ANO3: variants seen among roughly 807,000 people sequenced by gnomAD.
The protein encoded by ANO3 is anoctamin 3.
Under a neutral mutation model 144.8 loss-of-function variants are expected in ANO3, and 99 were observed. The ratio of observed to expected loss-of-function variants is 0.68; its 90% CI spans 0.58 to 0.81. The LOEUF (loss-of-function observed/expected upper bound fraction) is 0.81, where lower values mean the gene tolerates loss of function less well. Among genes scored for constraint, ANO3 ranks in the 30% least tolerant of loss-of-function variants. The probability of loss-of-function intolerance (pLI) is 0.00; values close to 1 mark genes in which losing one functional copy is unlikely to be tolerated. For missense variants in ANO3, 905 were observed against 1,202.2 expected, an observed-to-expected ratio of 0.75 and a Z score of 3.66; for synonymous variants, 414 against 392.6, an observed-to-expected ratio of 1.05 and a Z score of -0.64.
At chr11:26,301,853 G>A (rs1221039448) in intron 1 of ANO3, among the ~76,000 whole-genome samples, 3 of 152,176 alleles carry the variant, frequency 2.0e-5, no homozygotes, top group African/African-American at 4.8e-5. Flanking sequence ...AAGACAAGGA[G>A]GCTCAAAGTG....
chr11:26,216,794 G>A (rs1362599850), intron 1 of ANO3, among the ~76,000 whole-genome samples: 1 of 151,956 alleles, frequency 6.6e-6, no homozygotes, highest in African/African-American at 2.4e-5. Context: ...TTTCATTGTT[G>A]GGTAACTTAT....
rs117636302 is a variant in ANO3 at position 26,236,049 on chromosome 11, T to C, written c.154+46719T>C. On this transcript the variant is annotated intron_variant, in intron 1 of 27. Coordinates refer to the ANO3 transcript ENST00000672621. Reference sequence around the variant, plus strand: ...TTTGATATAGATAGCAAACCCTAGATTATTTTCTACATACCAGTATACTGA... The same window carrying C: ...TTTGATATAGATAGCAAACCCTAGACTATTTTCTACATACCAGTATACTGA... Among the ~76,000 whole-genome samples the C allele has an allele frequency of 6.0e-3, 917 of 152,278 alleles. 9 individuals are homozygous for C. Among genetic ancestry groups the C allele is most frequent in the Non-Finnish European group, 8.8e-3 (601 of 68,012 alleles).
chr11:26,233,140 C>A (rs1852439011), intron 1 of ANO3, among the ~76,000 whole-genome samples: 1 of 151,192 alleles, frequency 6.6e-6, no homozygotes, highest in African/African-American at 2.4e-5. Context: ...TGGCGTGAAC[C>A]CAGGAGGCAG....
intron 1 of ANO3, among the ~76,000 whole-genome samples, chr11:26,394,887 C>CA (rs1427792080): frequency 5.3e-5 from 8 of 151,936 alleles, no homozygotes; most frequent in African/African-American, 7.2e-5. Flanking sequence ...TGAATGCACA[C>CA]AAAAAATTGA....
intron 4 of ANO3, among the ~76,000 whole-genome samples, chr11:26,473,663 C>G (rs74437741): frequency 0.021 from 3,256 of 151,950 alleles, 98 homozygotes; most frequent in African/African-American, 0.074. Context: ...CACCTCCCAC[C>G]TCCCATGTTA....
intron 1 of ANO3, among the ~76,000 whole-genome samples, chr11:26,399,964 A>T (rs1173718295): frequency 6.6e-6 from 1 of 152,070 alleles, no homozygotes; most frequent in East Asian, 1.9e-4. Flanking sequence ...AATAAAACAC[A>T]CAGCATTTAG....
upstream of ANO3, among the ~76,000 whole-genome samples, chr11:26,330,587 A>G (rs990806625): frequency 6.6e-6 from 1 of 152,138 alleles, no homozygotes; most frequent in Non-Finnish European, 1.5e-5. Context: ...GCTTCAGATG[A>G]CTTTAAGACC....
chr11:26,491,320 G>A (rs1590411541), intron 4 of ANO3, among the ~76,000 whole-genome samples: 1 of 152,144 alleles, frequency 6.6e-6, no homozygotes, highest in African/African-American at 2.4e-5. Flanking sequence ...GTATACACCA[G>A]CCATATACTA....
rs555924701 is a variant in ANO3 at position 26,569,249 on chromosome 11, C to T, written c.1447+9470C>T. Among the ~76,000 whole-genome samples the T allele has an allele frequency of 1.3e-4, 20 of 152,158 alleles. 1 individual carries two copies. Among genetic ancestry groups the T allele is most frequent in the Middle Eastern group, 6.8e-3 (2 of 294 alleles). ...TAGGGTATCAACACCCCCAAACGTG[C>T]GAAGCACTCTGTTACTGCCTATAAT... On this transcript the variant is annotated intron_variant, in intron 14 of 26. Coordinates refer to ENST00000256737, the MANE Select transcript of ANO3 (RefSeq NM_031418.4).
At position 26,615,409 on chromosome 11, in the gene ANO3, TA is replaced by T. The variant is rs1385597361; in HGVS notation, c.1837-9052del. On this transcript the variant is annotated intron_variant, in intron 17 of 26. Transcript: ENST00000256737. The stretch of plus-strand genomic sequence containing the variant: ...TTCTGTCAGTTTATATATATATATA[TA>T]TATATTTTTTTTTTTTCAGTTCCTC... Among the ~76,000 whole-genome samples, 429 of 98,204 alleles carry T rather than the reference TA, an allele frequency of 4.4e-3. 2 individuals carry two copies. Among genetic ancestry groups the T allele is most frequent in the South Asian group, 0.025 (63 of 2,490 alleles). 64.4% of individuals were successfully genotyped at this position (98,204 alleles called of 152,430 possible).
chr11:26,476,273 C>A (rs567102694), intron 4 of ANO3, among the ~76,000 whole-genome samples: 1 of 151,996 alleles, frequency 6.6e-6, no homozygotes, highest in South Asian at 2.1e-4. Flanking sequence ...TGAAGTTGTC[C>A]TAAGTGGGTG....
At position 26,537,556 on chromosome 11, in the gene ANO3, A is replaced by G. The variant is rs566542743; in HGVS notation, c.1032+95A>G. ...CATTTGAATCTAGCTGTCCACTCCC[A>G]GGAGGATTCAGTCTGCAAGTAGCCA... On this transcript the variant is annotated intron_variant, in intron 10 of 26. Coordinates refer to ENST00000256737, the MANE Select transcript of ANO3 (RefSeq NM_031418.4). The G allele has an allele frequency of 7.8e-5, 83 of 1,061,774 alleles. No individual in the cohort carries two copies. The Admixed American group carries it at 1.4e-3, about 18-fold the overall frequency. The allele number at this position is 1,061,774 out of a possible 1,614,324, so 65.8% of individuals were successfully genotyped here. A position where few individuals can be genotyped will look rare whatever the true frequency, so the allele number is the denominator to read the frequency against.
chr11:26,235,998 T>A (rs117175032), intron 1 of ANO3, among the ~76,000 whole-genome samples: 645 of 152,240 alleles, frequency 4.2e-3, no homozygotes, highest in Non-Finnish European at 6.1e-3. Flanking sequence ...CAAAAATATG[T>A]GTATATTCTT....
At chr11:26,328,317 T>C (rs1854942342), upstream of ANO3, among the ~76,000 whole-genome samples, 1 of 152,226 alleles carries the variant, frequency 6.6e-6, no homozygotes, top group Non-Finnish European at 1.5e-5. Flanking sequence ...TGATAGTATA[T>C]GACTTTTTTA....
intron 1 of ANO3, among the ~76,000 whole-genome samples, chr11:26,316,028 T>C (rs773585655): frequency 5.9e-5 from 9 of 152,168 alleles, no homozygotes; most frequent in Non-Finnish European, 1.3e-4. Flanking sequence ...AAGGGGTAAA[T>C]AGGAAATAGA....
intron 14 of ANO3, chr11:26,565,983 T>C: frequency 7.9e-7 from 1 of 1,263,018 alleles, no homozygotes; most frequent in Non-Finnish European, 1.1e-6. Flanking sequence ...GTGATAAAAA[T>C]CTAGACATAA....
rs904560758 is a variant in ANO3, at chr11:26,338,860, C to A, written c.46+6539C>A. Among the ~76,000 whole-genome samples, 3 of 149,932 alleles carry A rather than the reference C, an allele frequency of 2.0e-5. 1 individual carries two copies. In the East Asian group the frequency reaches 6.0e-4, roughly 30 times the overall value. ...CTGAAGGAACAAACTCCCGACACAC[C>A]ATCTTTAAGAGCTGTAACACTCACC... is the stretch of plus-strand genomic sequence containing the variant. On this transcript the variant is annotated intron_variant, in intron 1 of 26. Transcript: ENST00000256737.
At chr11:26,643,894 C>T (rs1006842967) in intron 23 of ANO3, among the ~76,000 whole-genome samples, 1 of 152,150 alleles carries the variant, frequency 6.6e-6, no homozygotes. Flanking sequence ...GAGGACACAG[C>T]GTTTGTCCCC....
In ANO3 at chr11:26,573,561, A is replaced by G. The variant is rs201146740; in HGVS notation, c.1447+13782A>G. Among the ~76,000 whole-genome samples the G allele has an allele frequency of 7.2e-5, 11 of 152,316 alleles. No individual in the cohort carries two copies. In the East Asian group the frequency reaches 1.5e-3, roughly 21 times the overall value. ...ACCTTTTCCCTAGGCCTTTTCTGCA[A>G]TATGTGTGGGAATATCATTATCCCC... On this transcript the variant is annotated intron_variant, in intron 14 of 26. Transcript: ENST00000256737.
Sources: allele counts gnomAD v4.1 joint callset (sites outside exome capture counted in the v4.1 genomes callset), GRCh38; gene constraint gnomAD v4.1.1; transcripts MANE v1.5; gene names NCBI Gene and HGNC (gene_info 2026-07-23, HGNC 2026-07-21).